COPZ2: variants seen among roughly 807,000 people sequenced by gnomAD.
The protein encoded by COPZ2 is coat protein complex I subunit zeta 2.
Under a neutral mutation model 33.2 loss-of-function variants are expected in COPZ2, and 30 were observed. The ratio of observed to expected loss-of-function variants is 0.90; its 90% CI spans 0.68 to 1.23. The LOEUF is 1.23. Among genes scored for constraint, COPZ2 ranks in the 50% most tolerant of loss-of-function variants. The pLI is 0.00. For synonymous variants in COPZ2, 89 were observed against 102.6 expected (o/e 0.87, Z 0.80); for missense variants, 263 against 262.4 (o/e 1.00, Z -0.02).
chr17:48,046,178 AGTTTGAACT>A, the COPZ2 span: 5 of 152,302 alleles, frequency 3.3e-5, no homozygotes, highest in South Asian at 8.3e-4. Context: ...GTCCAGTTTT[AGTTTGAACT>A]GTTAGGACTG....
intron 2 of COPZ2, among the ~76,000 whole-genome samples, chr17:48,035,607 T>C (rs1429566412): frequency 6.6e-6 from 1 of 152,016 alleles, no homozygotes; most frequent in African/African-American, 2.4e-5. Context: ...TTGTTTTTTG[T>C]AGAGATGGGG....
chr17:48,033,089 A>G (rs1455337510), intron 4 of COPZ2, 122 bp downstream of exon 4: 1 of 700,626 alleles, frequency 1.4e-6, no homozygotes, highest in Non-Finnish European at 2.5e-6. Flanking sequence ...CCTCTACCCC[A>G]TGGAGCCTAA....
rs777956019 is a variant in COPZ2, at chr17:48,028,465, G to A, written c.585+7C>T. On this transcript the variant is annotated splice_region_variant and intron_variant, in intron 8 of 8. Transcript: ENST00000621465. The surrounding 1 kb of genome is among the most constrained non-coding windows in gnomAD (Gnocchi z 4.5). ...TTTCTAGCCAAGGCAGATGCAGGGG[G>A]GCCTACCTGGGCCACACTCTGTTCA... The A allele has an allele frequency of 8.7e-6, 14 of 1,608,310 alleles. No individual in the cohort carries two copies. In the South Asian group the frequency reaches 1.2e-4, roughly 14 times the overall value.
At chr17:48,043,944 G>C in the COPZ2 span, among the ~76,000 whole-genome samples, 3 of 152,164 alleles carry the variant, frequency 2.0e-5, no homozygotes, top group Non-Finnish European at 2.9e-5. Flanking sequence ...ATACAGGACA[G>C]TTGAACTCAG....
chr17:48,028,193 C>T lies in COPZ2; in HGVS notation c.585+279G>A, dbSNP rs1451572330. Reference sequence around the variant, plus strand: ...GCCATCTCCAAGGTAGGCAGCTCATCCTAGTTTCAATCCAACTAAACCAAG... The same window carrying T: ...GCCATCTCCAAGGTAGGCAGCTCATTCTAGTTTCAATCCAACTAAACCAAG... On this transcript the variant is annotated intron_variant, in intron 8 of 8. Transcript: ENST00000621465. This position sits in a 1 kb window ranked among gnomAD's most constrained non-coding sequence, Gnocchi z 4.5. Among the ~76,000 whole-genome samples the T allele has an allele frequency of 6.6e-6, 1 of 152,186 alleles. No individual in the cohort carries two copies. Among genetic ancestry groups the T allele is most frequent in the African/African-American group, 2.4e-5 (1 of 41,430 alleles).
rs779450888 is a variant in COPZ2, at chr17:48,033,310, T to C, written c.269-8A>G. The C allele has an allele frequency of 6.3e-7, 1 of 1,592,272 alleles. No individual in the cohort carries two copies. The highest frequency in any genetic ancestry group is 2.2e-5 in the East Asian group (1 of 44,696). On this transcript the variant is annotated splice_region_variant and splice_polypyrimidine_tract_variant and intron_variant, in intron 3 of 8. Transcript: ENST00000621465. ...CAAAAAATGCAATCTCACCTAGAAG[T>C]GGAGGGAGCTTTCAGTCCTGGCCAC...
chr17:48,036,932 CCGGA>C lies in COPZ2; in HGVS notation c.112-11_112-8del, dbSNP rs1567743511. The C allele has an allele frequency of 6.2e-7, 1 of 1,613,380 alleles. No individual in the cohort carries two copies. The highest frequency in any genetic ancestry group is 1.1e-5 in the South Asian group (1 of 91,070). ...AGAGGGAAGGTTCCTGCAACTGACA[CCGGA>C]GAGGAGAGTTCCGTTTGGCCCCTGA... On this transcript the variant is annotated splice_region_variant and splice_polypyrimidine_tract_variant and intron_variant, in intron 1 of 8. Coordinates refer to ENST00000621465, the MANE Select transcript of COPZ2 (RefSeq NM_016429.4).
rs71377338 is a variant in COPZ2 at position 48,028,069 on chromosome 17, G to T, written c.585+403C>A. On this transcript the variant is annotated intron_variant, in intron 8 of 8. Coordinates refer to ENST00000621465, the MANE Select transcript of COPZ2 (RefSeq NM_016429.4). This position sits in a 1 kb window ranked among gnomAD's most constrained non-coding sequence, Gnocchi z 4.5. ...TGCACCCTAAGTGGCAAGGACAGGG[G>T]TTAAGAGCCAAACTCCTATTTGGTA... is the stretch of plus-strand genomic sequence containing the variant. 2.0e-5 allele frequency among the ~76,000 whole-genome samples: 3 copies of T among 152,274 alleles called. No individual in the cohort carries two copies. The highest frequency in any genetic ancestry group is 7.2e-5 in the African/African-American group (3 of 41,532).
Position 48,033,948 on chromosome 17 carries a change from T to C in COPZ2, c.187-4A>G, listed in dbSNP as rs575292257. ...AGGGGAATGTGTCATCATAATACTATGAGAAAGGGAAGGAGAAAGGACCAT... is the reference window on the plus strand; with the variant it reads ...AGGGGAATGTGTCATCATAATACTACGAGAAAGGGAAGGAGAAAGGACCAT... On this transcript the variant is annotated splice_polypyrimidine_tract_variant and splice_region_variant and intron_variant, in intron 2 of 8. Transcript: ENST00000621465. 3 of 1,597,314 alleles carry C rather than the reference T, an allele frequency of 1.9e-6. No individual in the cohort carries two copies. Among genetic ancestry groups the C allele is most frequent in the Non-Finnish European group, 1.7e-6 (2 of 1,167,980 alleles).
At chr17:48,029,871 G>A (rs2036867202) in intron 6 of COPZ2, among the ~76,000 whole-genome samples, 1 of 152,028 alleles carries the variant, frequency 6.6e-6, no homozygotes. Flanking sequence ...GGGAGGGTGA[G>A]GCAGGAGAAT....
Position 48,037,533 on chromosome 17 carries a change from TG to T in COPZ2, c.111+133del. 2 of 852,968 alleles carry T rather than the reference TG, an allele frequency of 2.3e-6. No individual in the cohort carries two copies. The highest frequency in any genetic ancestry group is 1.5e-6 in the Non-Finnish European group (1 of 686,720). The allele number at this position is 852,968 out of a possible 1,614,324, so 52.8% of individuals were successfully genotyped here. A position where few individuals can be genotyped will look rare whatever the true frequency, so the allele number is the denominator to read the frequency against. Reference sequence around the variant, plus strand: ...GGGACGAACTTTTCCTCCCGGGTCCTGGGGCCAGTCAGGGGTGACACAAAGT... The same window carrying T: ...GGGACGAACTTTTCCTCCCGGGTCCTGGGCCAGTCAGGGGTGACACAAAGT... On this transcript the variant is annotated intron_variant, in intron 1 of 8. Transcript: ENST00000621465. This position sits in a 1 kb window ranked among gnomAD's most constrained non-coding sequence, Gnocchi z 5.6.
At chr17:48,040,938 C>A (rs1436134952), upstream of COPZ2, among the ~76,000 whole-genome samples, 1 of 151,378 alleles carries the variant, frequency 6.6e-6, no homozygotes, top group Non-Finnish European at 1.5e-5. Flanking sequence ...TCACTTGAGA[C>A]CAGGAGTTCG....
chr17:48,043,927 G>A, the COPZ2 span, among the ~76,000 whole-genome samples: 1 of 152,164 alleles, frequency 6.6e-6, no homozygotes, highest in Non-Finnish European at 1.5e-5. Flanking sequence ...AGACAACATA[G>A]CAAGACATAC....
At chr17:48,047,778 G>C in the COPZ2 span, 4 of 152,238 alleles carry the variant, frequency 2.6e-5, no homozygotes, top group Admixed American at 6.5e-5. Context: ...GGTTCGCACC[G>C]AGGGGAAGTT....
At chr17:48,043,210 C>T in the COPZ2 span, among the ~76,000 whole-genome samples, 1 of 152,218 alleles carries the variant, frequency 6.6e-6, no homozygotes, top group Non-Finnish European at 1.5e-5. Flanking sequence ...CATCCCTACC[C>T]AGCTGGAACC....
chr17:48,037,322 G>A lies in COPZ2; in HGVS notation c.111+345C>T. The stretch of plus-strand genomic sequence containing the variant: ...CGCTATCAGCGCGCCCCCAGGCCCT[G>A]GCCCGGGTAGACTCCAGAAGCATGC... On this transcript the variant is annotated intron_variant, in intron 1 of 8. Transcript: ENST00000621465. The surrounding 1 kb of genome is among the most constrained non-coding windows in gnomAD (Gnocchi z 5.6). The A allele has an allele frequency of 4.5e-6, 2 of 444,836 alleles. No individual in the cohort carries two copies. Among genetic ancestry groups the A allele is most frequent in the Non-Finnish European group, 8.7e-6 (2 of 229,954 alleles). 27.6% of individuals were successfully genotyped at this position (444,836 alleles called of 1,614,324 possible).
intron 2 of COPZ2, 94 bp from the exon 3 acceptor site, chr17:48,034,038 C>G: frequency 1.2e-6 from 1 of 817,524 alleles, no homozygotes; most frequent in Non-Finnish European, 2.0e-6. Flanking sequence ...GCTGGGCAAG[C>G]GGGATCCTGC....
the COPZ2 span, among the ~76,000 whole-genome samples, chr17:48,043,868 G>A: frequency 6.6e-6 from 1 of 152,164 alleles, no homozygotes; most frequent in Non-Finnish European, 1.5e-5. Context: ...CTCCTTGAGT[G>A]TGACATGTCA....
chr17:48,028,897 G>A lies in COPZ2; in HGVS notation c.546+228C>T, dbSNP rs74927342. Among the ~76,000 whole-genome samples, 471 of 152,282 alleles carry A rather than the reference G, an allele frequency of 3.1e-3. No individual in the cohort carries two copies. The highest frequency in any genetic ancestry group is 4.8e-3 in the Non-Finnish European group (326 of 68,022). On this transcript the variant is annotated intron_variant, in intron 7 of 8. Coordinates refer to ENST00000621465, the MANE Select transcript of COPZ2 (RefSeq NM_016429.4). This position sits in a 1 kb window ranked among gnomAD's most constrained non-coding sequence, Gnocchi z 4.5. ...AGTCTATACTTCCTACCAGGAAAGAGGTGAGGTACTTGTGCTCCTAGCCGG... is the reference window on the plus strand; with the variant it reads ...AGTCTATACTTCCTACCAGGAAAGAAGTGAGGTACTTGTGCTCCTAGCCGG...
Sources: gnomAD v4.1 joint callset for allele counts (sites outside exome capture counted in the v4.1 genomes callset) on GRCh38, gnomAD v4.1.1 for gene constraint, Gnocchi (gnomAD v3.1) non-coding constraint, MANE v1.5 for transcripts, NCBI Gene and HGNC (gene_info 2026-07-23, HGNC 2026-07-21) for gene names.